The following SRBD1 variants were observed in gnomAD, a reference collection of about 807,000 sequenced individuals.
SRBD1 encodes S1 RNA binding domain 1.
A neutral mutation model predicts 115.3 loss-of-function variants in SRBD1; 88 were observed. That is an observed-to-expected ratio of 0.76 (90% confidence interval 0.64 to 0.91). The LOEUF is 0.91. Ranked by LOEUF, SRBD1 falls within the 40% of genes least tolerant of loss-of-function variation. The pLI is 0.00. For missense variants in SRBD1, 1,385 were observed against 1,177.4 expected, an observed-to-expected ratio of 1.18 and a Z score of -2.58; for synonymous variants, 509 against 407.7, an observed-to-expected ratio of 1.25 and a Z score of -2.99.
intron 10 of SRBD1, among the ~76,000 whole-genome samples, chr2:45,560,328 G>A (rs1017558669): frequency 6.6e-6 from 1 of 152,104 alleles, no homozygotes; most frequent in Non-Finnish European, 1.5e-5. Context: ...TTTAACTACT[G>A]AGGACTGACT....
intron 4 of SRBD1, 116 bp downstream of exon 4, chr2:45,599,333 A>T: frequency 7.0e-7 from 1 of 1,427,724 alleles, no homozygotes; most frequent in Non-Finnish European, 9.4e-7. Flanking sequence ...AATCACTGGC[A>T]AAACTGAAGA....
At chr2:45,578,817 T>C (rs752174299) in intron 7 of SRBD1, among the ~76,000 whole-genome samples, 2 of 152,198 alleles carry the variant, frequency 1.3e-5, no homozygotes, top group Non-Finnish European at 2.9e-5. Context: ...TAATGTATAC[T>C]GTGAATTTGC....
At chr2:45,577,752 G>C (rs1261627828) in intron 7 of SRBD1, among the ~76,000 whole-genome samples, 2 of 151,844 alleles carry the variant, frequency 1.3e-5, no homozygotes, top group African/African-American at 2.4e-5. Context: ...GTAAAATTAA[G>C]GATGATCATG....
chr2:45,553,327 C>T (rs1483485706), intron 11 of SRBD1, among the ~76,000 whole-genome samples: 2 of 152,186 alleles, frequency 1.3e-5, no homozygotes, highest in African/African-American at 2.4e-5. Context: ...CTTTCTTTGG[C>T]TCTCTTACCT....
intron 16 of SRBD1, among the ~76,000 whole-genome samples, chr2:45,465,018 C>CAA (rs1387982802): frequency 7.4e-6 from 1 of 135,422 alleles, no homozygotes; most frequent in African/African-American, 2.7e-5. Flanking sequence ...CACACACACA[C>CAA]ACACACACAC....
chr2:45,546,027 T>G, intron 14 of SRBD1: 1 of 373,202 alleles, frequency 2.7e-6, no homozygotes, highest in Non-Finnish European at 3.7e-6. Flanking sequence ...CTGTTAAATA[T>G]CAGCCATTAT....
intron 12 of SRBD1, among the ~76,000 whole-genome samples, chr2:45,549,776 T>G (rs1027653238): frequency 6.7e-6 from 1 of 149,660 alleles, no homozygotes; most frequent in Non-Finnish European, 1.5e-5. Context: ...GGTGGGAGGA[T>G]AGTTTGAGCA....
chr2:45,551,210 T>C lies in SRBD1; in HGVS notation c.1590A>G (p.Leu530=). The change falls in exon 12 of 21, where the codon TTA becomes TTG. Residue 530 remains leucine (L), a synonymous_variant. Coordinates refer to ENST00000263736, the MANE Select transcript of SRBD1 (RefSeq NM_018079.5). ...MFGRNLRQLL[L]TSPVPGRTLM... is the part of the protein sequence containing the mutation. ...AGGTGCGCCCTGGAACAGGGCTTGT[T>C]AAAAGGAGCTGACGAAGGTTCCGTC... 6.2e-7 allele frequency: 1 copy of C among 1,613,168 alleles called. No individual in the cohort carries two copies. Among genetic ancestry groups the C allele is most frequent in the African/African-American group, 1.3e-5 (1 of 75,016 alleles).
chr2:45,505,981 C>A (rs770091477), intron 14 of SRBD1, among the ~76,000 whole-genome samples: 1 of 152,172 alleles, frequency 6.6e-6, no homozygotes, highest in African/African-American at 2.4e-5. Flanking sequence ...AGTCAATTAT[C>A]ATTTTTGTCT....
chr2:45,436,876 GAATT>G (rs1303792258), intron 16 of SRBD1, among the ~76,000 whole-genome samples: 1 of 152,072 alleles, frequency 6.6e-6, no homozygotes, highest in Admixed American at 6.5e-5. Context: ...AAATTCAAAA[GAATT>G]GATTAAAAAA....
intron 16 of SRBD1, among the ~76,000 whole-genome samples, chr2:45,471,761 T>C (rs1165764263): frequency 2.0e-5 from 3 of 152,174 alleles, no homozygotes; most frequent in African/African-American, 7.2e-5. Context: ...GAGAAATTTG[T>C]TTCTTCCACA....
chr2:45,390,573 G>A (rs1313690190), intron 20 of SRBD1, among the ~76,000 whole-genome samples: 1 of 152,086 alleles, frequency 6.6e-6, no homozygotes, highest in African/African-American at 2.4e-5. Flanking sequence ...TAGGATTACT[G>A]AGTGTTGACT....
chr2:45,392,911 T>C, intron 20 of SRBD1, 34 bp downstream of exon 20: 1 of 1,558,590 alleles, frequency 6.4e-7, no homozygotes, highest in South Asian at 1.2e-5. Flanking sequence ...GCTATGCAAA[T>C]GCAAGGTGCT....
intron 16 of SRBD1, among the ~76,000 whole-genome samples, chr2:45,460,583 A>G (rs1469109102): frequency 6.6e-6 from 1 of 152,218 alleles, no homozygotes; most frequent in African/African-American, 2.4e-5. Flanking sequence ...TATGTTCTGC[A>G]TTGGTTTGTG....
intron 17 of SRBD1, among the ~76,000 whole-genome samples, chr2:45,418,865 AAAGT>A (rs1667915466): frequency 6.6e-6 from 1 of 152,206 alleles, no homozygotes; most frequent in African/African-American, 2.4e-5. Flanking sequence ...GTTTCTGGAT[AAAGT>A]AATAATTTTG....
In SRBD1 at chr2:45,480,736, T is replaced by C. The variant is rs148570840; in HGVS notation, c.1967-3661A>G. ...GCAGCAGCAGCAGGAATGGATAGTA[T>C]GGACTTCAATTTTAAATAAAGTTCT... On this transcript the variant is annotated intron_variant, in intron 15 of 20. Transcript: ENST00000263736. Among the ~76,000 whole-genome samples, 736 of 152,302 alleles carry C rather than the reference T, an allele frequency of 4.8e-3. 14 individuals carry two copies. Among genetic ancestry groups the C allele is most frequent in the Admixed American group, 0.03 (461 of 15,292 alleles).
chr2:45,462,503 G>C (rs1004229920), intron 16 of SRBD1, among the ~76,000 whole-genome samples: 3 of 152,074 alleles, frequency 2.0e-5, no homozygotes, highest in African/African-American at 7.2e-5. Flanking sequence ...CATTTGAAAA[G>C]AATATACACT....
At chr2:45,584,765 C>T (rs1262538177) in intron 5 of SRBD1, among the ~76,000 whole-genome samples, 1 of 152,158 alleles carries the variant, frequency 6.6e-6, no homozygotes, top group African/African-American at 2.4e-5. Flanking sequence ...GCAGTGAGTC[C>T]AGAGGCATAA....
At chr2:45,432,069 G>A (rs192109310) in intron 16 of SRBD1, among the ~76,000 whole-genome samples, 115 of 148,506 alleles carry the variant, frequency 7.7e-4, no homozygotes, top group Non-Finnish European at 1.4e-3. Context: ...TCACCCTGTC[G>A]CCCAGGCTGG....
Sources: allele counts gnomAD v4.1 joint callset (sites outside exome capture counted in the v4.1 genomes callset), GRCh38; gene constraint gnomAD v4.1.1; transcripts MANE v1.5; gene names NCBI Gene and HGNC (gene_info 2026-07-23, HGNC 2026-07-21).